Variants in NKIRAS1 observed in about 807,000 individuals in gnomAD.
NKIRAS1 encodes the protein NFKB inhibitor interacting Ras like 1.
NKIRAS1 carries 16 observed loss-of-function variants against 19.8 expected under a neutral mutation model. The ratio of observed to expected loss-of-function variants is 0.81; its 90% CI spans 0.55 to 1.23. NKIRAS1 has a LOEUF of 1.23. Ranked by LOEUF, NKIRAS1 falls within the 50% of genes most tolerant of loss-of-function variation. The pLI is 0.00. For missense variants in NKIRAS1, 184 were observed against 220.0 expected (o/e 0.84, Z 1.04); for synonymous variants, 88 against 79.0 (o/e 1.11, Z -0.61).
Position 23,900,892 on chromosome 3 carries a change from A to T in NKIRAS1, c.252T>A (p.Leu84=), listed in dbSNP as rs1702460349. 6.2e-7 allele frequency: 1 copy of T among 1,614,110 alleles called. No homozygotes were observed. Among genetic ancestry groups the T allele is most frequent in the East Asian group, 2.2e-5 (1 of 44,876 alleles). Residue 84 remains leucine (L), a synonymous_variant, in exon 4 of 5, where the codon CTT becomes CTA. Coordinates refer to ENST00000425478, the MANE Select transcript of NKIRAS1 (RefSeq NM_020345.4). ...ATTCAAGGTTATTCACACTGTACAC[A>T]AGAACGAAGCCATCAGCAAATGAAA... ...HYFSFADGFV[L]VYSVNNLESF...
upstream of NKIRAS1, chr3:23,918,751 A>C: frequency 1.3e-6 from 1 of 755,828 alleles, no homozygotes; most frequent in Non-Finnish European, 2.1e-6. Context: ...CTTTGTTACA[A>C]ATGCGTGTGT....
At chr3:23,943,903 G>A (rs1325495208) in intron 1 of NKIRAS1, among the ~76,000 whole-genome samples, 1 of 152,238 alleles carries the variant, frequency 6.6e-6, no homozygotes, top group Non-Finnish European at 1.5e-5. Flanking sequence ...TTTTTTCAAA[G>A]TGTAACACGA....
At chr3:23,910,527 A>G (rs985613345) in intron 3 of NKIRAS1, among the ~76,000 whole-genome samples, 44 of 152,214 alleles carry the variant, frequency 2.9e-4, no homozygotes, top group Non-Finnish European at 3.4e-4. Flanking sequence ...CATTATGTAA[A>G]TACACGGAAA....
Position 23,901,126 on chromosome 3 carries a change from T to A in NKIRAS1, c.95-77A>T, listed in dbSNP as rs532284662. 3.3e-6 allele frequency: 5 copies of A among 1,511,140 alleles called. No individual in the cohort carries two copies. In the African/African-American group the frequency reaches 5.6e-5, roughly 17 times the overall value. The allele number at this position is 1,511,140 out of a possible 1,614,324, so 93.6% of individuals were successfully genotyped here. A position where few individuals can be genotyped will look rare whatever the true frequency, so the allele number is the denominator to read the frequency against. On this transcript the variant is annotated intron_variant, in intron 3 of 4. Coordinates refer to ENST00000425478, the MANE Select transcript of NKIRAS1 (RefSeq NM_020345.4). Reference sequence around the variant, plus strand: ...TCCGTATTTTCTTGTCCTTTAGAAATTGGCTTTCTAGGTTTCTTATTTACC... The same window carrying A: ...TCCGTATTTTCTTGTCCTTTAGAAAATGGCTTTCTAGGTTTCTTATTTACC...
At chr3:23,899,477 T>C (rs1235644479) in intron 4 of NKIRAS1, among the ~76,000 whole-genome samples, 1 of 152,258 alleles carries the variant, frequency 6.6e-6, no homozygotes, top group Non-Finnish European at 1.5e-5. Context: ...TTTTGTTTTT[T>C]TTCTACCATC....
chr3:23,906,924 C>T (rs978991390), intron 3 of NKIRAS1, among the ~76,000 whole-genome samples: 7 of 152,004 alleles, frequency 4.6e-5, no homozygotes, highest in East Asian at 1.9e-4. Flanking sequence ...GATACAGTCT[C>T]GCTCTGTTGC....
chr3:23,919,980 T>A (rs1244450669), upstream of NKIRAS1: 1 of 987,516 alleles, frequency 1.0e-6, no homozygotes, highest in East Asian at 1.1e-4. Context: ...GCCTCCACAG[T>A]ACCATTTTAA....
intron 3 of NKIRAS1, among the ~76,000 whole-genome samples, chr3:23,909,896 G>A (rs1703502025): frequency 7.6e-6 from 1 of 131,446 alleles, no homozygotes; most frequent in African/African-American, 2.8e-5. Flanking sequence ...GTCTCGCTCT[G>A]TCGCCAGGCT....
At chr3:23,903,571 A>C (rs149127859) in intron 3 of NKIRAS1, among the ~76,000 whole-genome samples, 56 of 152,344 alleles carry the variant, frequency 3.7e-4, no homozygotes, top group African/African-American at 1.2e-3. Flanking sequence ...CTATCAAAAA[A>C]ATAAGATAGT....
At chr3:23,944,236 T>C (rs999056784) in intron 1 of NKIRAS1, among the ~76,000 whole-genome samples, 3 of 152,356 alleles carry the variant, frequency 2.0e-5, no homozygotes, top group African/African-American at 4.8e-5. Context: ...ACAGTAAATA[T>C]TGATATGGTG....
chr3:23,910,268 C>T (rs1703551620), intron 3 of NKIRAS1, among the ~76,000 whole-genome samples: 1 of 151,450 alleles, frequency 6.6e-6, no homozygotes, highest in South Asian at 2.1e-4. Flanking sequence ...AGAGATTCTC[C>T]TGCCTCACCC....
intron 4 of NKIRAS1, among the ~76,000 whole-genome samples, chr3:23,893,998 C>T (rs1206894961): frequency 6.6e-6 from 1 of 152,096 alleles, no homozygotes; most frequent in Non-Finnish European, 1.5e-5. Flanking sequence ...CAAAACAAGA[C>T]AGCTGGAGCT....
intron 1 of NKIRAS1, among the ~76,000 whole-genome samples, chr3:23,930,040 G>A (rs1705278048): frequency 1.3e-5 from 2 of 152,048 alleles, no homozygotes; most frequent in Non-Finnish European, 2.9e-5. Flanking sequence ...AGAAAGGCAG[G>A]TCAAATTATA....
At chr3:23,895,680 A>G (rs1387561570) in intron 4 of NKIRAS1, among the ~76,000 whole-genome samples, 1 of 152,172 alleles carries the variant, frequency 6.6e-6, no homozygotes, top group Non-Finnish European at 1.5e-5. Flanking sequence ...CTGATCTCAA[A>G]TGAACTGATG....
rs1701381734 is a variant in NKIRAS1 at position 23,890,544 on chromosome 3, A to C, written c.*2551T>G. The C allele has an allele frequency of 1.2e-6, 2 of 1,613,828 alleles. No homozygotes were observed. The highest frequency in any genetic ancestry group is 1.7e-6 in the Non-Finnish European group (2 of 1,179,890). The stretch of plus-strand genomic sequence containing the variant: ...GGTGGGAAGTATTGCCACTCAGTAT[A>C]TGACCAACAGAGCAGAACATGACAG... On this transcript the variant is annotated 3_prime_UTR_variant, in exon 5 of 5. Coordinates refer to ENST00000425478, the MANE Select transcript of NKIRAS1 (RefSeq NM_020345.4).
At chr3:23,916,621 G>C (rs557722152) in intron 1 of NKIRAS1, 163 bp downstream of exon 1, 1 of 152,444 alleles carries the variant, frequency 6.6e-6, no homozygotes, top group African/African-American at 2.4e-5. Flanking sequence ...CTCCGCGAAG[G>C]CCTCCCTGGG....
upstream of NKIRAS1, chr3:23,919,295 C>A: frequency 6.2e-7 from 1 of 1,607,298 alleles, no homozygotes; most frequent in Non-Finnish European, 8.5e-7. Context: ...CCTCATTGAT[C>A]CATTCCATAA....
intron 1 of NKIRAS1, among the ~76,000 whole-genome samples, chr3:23,938,232 C>T (rs1438875676): frequency 1.5e-5 from 2 of 135,026 alleles, no homozygotes; most frequent in Non-Finnish European, 3.1e-5. Flanking sequence ...TTTCTTGAGA[C>T]AGGGTCTCAT....
chr3:23,900,201 C>T (rs1372980516), intron 4 of NKIRAS1, among the ~76,000 whole-genome samples: 3 of 151,842 alleles, frequency 2.0e-5, no homozygotes, highest in African/African-American at 7.3e-5. Context: ...ACAGCAATAC[C>T]AAAGAACATA....
Sources: allele counts gnomAD v4.1 joint callset (sites outside exome capture counted in the v4.1 genomes callset), GRCh38; gene constraint gnomAD v4.1.1; transcripts MANE v1.5; gene names NCBI Gene and HGNC (gene_info 2026-07-23, HGNC 2026-07-21).